DSCAML1: variants seen among roughly 807,000 people sequenced by gnomAD.
The protein encoded by DSCAML1 is cell adhesion molecule DSCAML1.
DSCAML1 carries 38 observed loss-of-function variants against 200.5 expected under a neutral mutation model. The ratio of observed to expected loss-of-function variants is 0.19; its 90% CI spans 0.15 to 0.25. The LOEUF is 0.25. Among genes scored for constraint, DSCAML1 ranks in the 10% least tolerant of loss-of-function variants. The pLI, the probability that DSCAML1 is intolerant of heterozygous loss-of-function variation, is 1.00. For missense variants in DSCAML1, 2,223 were observed against 2,858.8 expected, an observed-to-expected ratio of 0.78 and a Z score of 5.07; for synonymous variants, 1,215 against 1,165.0, an observed-to-expected ratio of 1.04 and a Z score of -0.87.
chr11:117,543,801 GT>G (rs55730750), intron 3 of DSCAML1, among the ~76,000 whole-genome samples: 1 of 146,640 alleles, frequency 6.8e-6, no homozygotes, highest in African/African-American at 2.5e-5. Flanking sequence ...TTATAGGGCA[GT>G]TTTTTTTTTG....
intron 3 of DSCAML1, among the ~76,000 whole-genome samples, chr11:117,563,118 G>C (rs2050695518): frequency 6.6e-6 from 1 of 152,224 alleles, no homozygotes; most frequent in South Asian, 2.1e-4. Context: ...CCATTTCCTA[G>C]TGGTGTCTCA....
Position 117,439,437 on chromosome 11 carries a change from G to A in DSCAML1, c.3981-8C>T. 1.9e-6 allele frequency: 3 copies of A among 1,610,096 alleles called. No individual in the cohort carries two copies. The highest frequency in any genetic ancestry group is 2.0e-4 in the Middle Eastern group (1 of 4,898). ...GGAATGGCCGAGTCTTCACTGCCAG[G>A]GGCGAGGATGGGGCGGGTGGGTCAT... On this transcript the variant is annotated splice_polypyrimidine_tract_variant and splice_region_variant and intron_variant, in intron 22 of 32. Transcript: ENST00000651296.
intron 3 of DSCAML1, among the ~76,000 whole-genome samples, chr11:117,620,557 C>T (rs2137549137): frequency 6.6e-6 from 1 of 152,296 alleles, no homozygotes; most frequent in East Asian, 1.9e-4. Flanking sequence ...CTGTTTGCCA[C>T]CCGTTTGGAC....
chr11:117,713,543 G>A (rs113749536), intron 3 of DSCAML1, among the ~76,000 whole-genome samples: 3,071 of 152,232 alleles, frequency 0.02, 54 homozygotes, highest in Middle Eastern at 0.075. Context: ...ATTTCCCAGG[G>A]AGGCCTGCAA....
chr11:117,619,395 GC>G (rs1434155327), intron 3 of DSCAML1, among the ~76,000 whole-genome samples: 12 of 152,230 alleles, frequency 7.9e-5, no homozygotes, highest in Admixed American at 7.8e-4. Flanking sequence ...CAGGAGGTTT[GC>G]CCTCAGGGCC....
intron 3 of DSCAML1, among the ~76,000 whole-genome samples, chr11:117,563,157 G>A (rs1022730293): frequency 6.6e-6 from 1 of 152,184 alleles, no homozygotes; most frequent in Non-Finnish European, 1.5e-5. Flanking sequence ...CTGGAGTGGA[G>A]GGTGCTTGTA....
chr11:117,543,485 T>C (rs1345113604), intron 3 of DSCAML1, among the ~76,000 whole-genome samples: 1 of 152,212 alleles, frequency 6.6e-6, no homozygotes, highest in Non-Finnish European at 1.5e-5. Flanking sequence ...GACCCTGTGC[T>C]GGTGCATGTA....
intron 3 of DSCAML1, among the ~76,000 whole-genome samples, chr11:117,733,039 T>A (rs1423917495): frequency 6.6e-6 from 1 of 152,134 alleles, no homozygotes; most frequent in Admixed American, 6.5e-5. Context: ...CTGCAGTGAT[T>A]TATTTTTAAA....
intron 3 of DSCAML1, among the ~76,000 whole-genome samples, chr11:117,701,340 G>A (rs1438900861): frequency 1.3e-5 from 2 of 152,126 alleles, no homozygotes; most frequent in African/African-American, 4.8e-5. Flanking sequence ...GGAGGCTCGC[G>A]CTTTGCTGAA....
At chr11:117,600,396 A>G (rs2051443324) in intron 3 of DSCAML1, among the ~76,000 whole-genome samples, 1 of 152,130 alleles carries the variant, frequency 6.6e-6, no homozygotes, top group Non-Finnish European at 1.5e-5. Context: ...ACGGTTGTAG[A>G]GCCGAATCTC....
At chr11:117,560,331 T>C (rs937711848) in intron 3 of DSCAML1, among the ~76,000 whole-genome samples, 1 of 152,122 alleles carries the variant, frequency 6.6e-6, no homozygotes, top group African/African-American at 2.4e-5. Flanking sequence ...GAGGGATGAG[T>C]TGATGTCTCA....
chr11:117,540,989 C>A (rs998877730), intron 3 of DSCAML1, among the ~76,000 whole-genome samples: 11 of 152,144 alleles, frequency 7.2e-5, no homozygotes, highest in African/African-American at 2.7e-4. Context: ...TAAACCAGAC[C>A]ATCCTTAAGA....
At position 117,756,779 on chromosome 11, in the gene DSCAML1, G is replaced by C. The variant is rs532124562; in HGVS notation, c.511+20012C>G. ...GAAACAGCACGTTCAGACCAAGGAGGGGGTGATGGCCTCACTCTGCCCTCT... is the reference window on the plus strand; with the variant it reads ...GAAACAGCACGTTCAGACCAAGGAGCGGGTGATGGCCTCACTCTGCCCTCT... On this transcript the variant is annotated intron_variant, in intron 3 of 32. Transcript: ENST00000651296. Among the ~76,000 whole-genome samples, 30 of 152,114 alleles carry C rather than the reference G, an allele frequency of 2.0e-4. No individual in the cohort carries two copies. In the South Asian group the frequency reaches 6.0e-3, roughly 31 times the overall value.
chr11:117,734,702 C>G (rs2054287835), intron 3 of DSCAML1, among the ~76,000 whole-genome samples: 1 of 152,180 alleles, frequency 6.6e-6, no homozygotes, highest in Non-Finnish European at 1.5e-5. Context: ...AGGGACTATG[C>G]CTGTTTTGTT....
intron 11 of DSCAML1, among the ~76,000 whole-genome samples, chr11:117,483,395 G>A (rs1258691251): frequency 2.0e-5 from 3 of 152,188 alleles, no homozygotes; most frequent in East Asian, 3.9e-4. Flanking sequence ...TGACTGAGGG[G>A]CATCAGGGAA....
At chr11:117,749,481 G>A (rs2054569926) in intron 3 of DSCAML1, among the ~76,000 whole-genome samples, 1 of 152,252 alleles carries the variant, frequency 6.6e-6, no homozygotes. Flanking sequence ...CTGTCTGTTA[G>A]CACAGAGATC....
At chr11:117,484,045 C>A (rs565090983) in intron 11 of DSCAML1, among the ~76,000 whole-genome samples, 1 of 149,760 alleles carries the variant, frequency 6.7e-6, no homozygotes, top group Non-Finnish European at 1.5e-5. Context: ...CTGCCCCCCG[C>A]CCCTGCCCCG....
rs56805170 is a variant in DSCAML1 at position 117,486,911 on chromosome 11, C to CTTTTTTTTTTTT, written c.2360-4761_2360-4750dup. On this transcript the variant is annotated intron_variant, in intron 11 of 32. Coordinates refer to ENST00000651296, the MANE Select transcript of DSCAML1 (RefSeq NM_020693.4). ...GAAAAAAAAAAAGAATGTAAAATAC[C>CTTTTTTTTTTTT]TTTTTTTTTTTTTTTTTTTTTTTTT... is the stretch of plus-strand genomic sequence containing the variant. 4.0e-4 allele frequency among the ~76,000 whole-genome samples: 32 copies of CTTTTTTTTTTTT among 79,616 alleles called. 1 individual carries two copies. Among genetic ancestry groups the CTTTTTTTTTTTT allele is most frequent in the African/African-American group, 5.8e-4 (11 of 19,098 alleles). 52.2% of individuals were successfully genotyped at this position (79,616 alleles called of 152,430 possible). A position where few individuals can be genotyped will look rare whatever the true frequency, so the allele number is the denominator to read the frequency against.
At chr11:117,705,780 CAA>C (rs2053749114) in intron 3 of DSCAML1, among the ~76,000 whole-genome samples, 1 of 152,166 alleles carries the variant, frequency 6.6e-6, no homozygotes, top group African/African-American at 2.4e-5. Context: ...TCTAAATTCC[CAA>C]GTGTTCCATA....
Sources: gnomAD v4.1 joint callset for allele counts (sites outside exome capture counted in the v4.1 genomes callset) on GRCh38, gnomAD v4.1.1 for gene constraint, MANE v1.5 for transcripts, NCBI Gene and HGNC (gene_info 2026-07-23, HGNC 2026-07-21) for gene names.